OLFM2: variants seen among roughly 807,000 people sequenced by gnomAD.
OLFM2 encodes olfactomedin 2, also known as noelin-2.
In OLFM2, 20 loss-of-function variants were observed where a neutral mutation model predicts 43.9. The ratio of observed to expected loss-of-function variants is 0.46; its 90% CI spans 0.32 to 0.66. The LOEUF is 0.66. OLFM2 is among the 30% of genes least tolerant of loss of function. The pLI, the probability that OLFM2 is intolerant of heterozygous loss-of-function variation, is 0.04. For missense variants in OLFM2, 416 were observed against 643.6 expected, an observed-to-expected ratio of 0.65 and a Z score of 3.83; for synonymous variants, 268 against 278.6, an observed-to-expected ratio of 0.96 and a Z score of 0.38.
chr19:9,874,761 A>G (rs1055884926), intron 1 of OLFM2, among the ~76,000 whole-genome samples: 2 of 152,186 alleles, frequency 1.3e-5, no homozygotes, highest in Non-Finnish European at 2.9e-5. Flanking sequence ...GATTACAGGC[A>G]TGAGCCACCG....
At chr19:9,905,527 G>C (rs2046778567) in intron 1 of OLFM2, among the ~76,000 whole-genome samples, 1 of 151,542 alleles carries the variant, frequency 6.6e-6, no homozygotes, top group Non-Finnish European at 1.5e-5. Flanking sequence ...TGTAGTTCCA[G>C]TTACTCAGGA....
rs199847708 is a variant in OLFM2, at chr19:9,857,282, G to A, written c.561C>T (p.His187=). The part of the protein sequence containing the change: ...QRVMALEARL[H]ACAQKLGCGK... Reference sequence around the variant, plus strand: ...GCATACCCAGCTTCTGGGCGCAGGCGTGGAGCCGGGCCTCCAGGGCCATCA... The same window carrying A: ...GCATACCCAGCTTCTGGGCGCAGGCATGGAGCCGGGCCTCCAGGGCCATCA... Residue 187 remains histidine (H), a synonymous_variant, in exon 4 of 6, where the codon CAC becomes CAT. Transcript: ENST00000264833. The surrounding 1 kb of genome is among the most constrained non-coding windows in gnomAD (Gnocchi z 5.7). 1.7e-5 allele frequency: 28 copies of A among 1,613,978 alleles called. No homozygotes were observed. The highest frequency in any genetic ancestry group is 1.3e-4 in the East Asian group (6 of 44,882).
intron 1 of OLFM2, among the ~76,000 whole-genome samples, chr19:9,882,802 C>G (rs1026344702): frequency 2.0e-5 from 3 of 151,584 alleles, no homozygotes; most frequent in African/African-American, 4.8e-5. Context: ...CTCAGCACCT[C>G]AGGAGGCTGA....
At chr19:9,869,771 C>G (rs2145442938) in intron 1 of OLFM2, among the ~76,000 whole-genome samples, 1 of 152,288 alleles carries the variant, frequency 6.6e-6, no homozygotes, top group East Asian at 1.9e-4. Flanking sequence ...GCATGTGCCA[C>G]TATGCCCAGC....
chr19:9,887,304 G>A (rs948080785), intron 1 of OLFM2, among the ~76,000 whole-genome samples: 6 of 151,476 alleles, frequency 4.0e-5, no homozygotes, highest in Non-Finnish European at 2.9e-5. Flanking sequence ...TCAGCCTCCC[G>A]AGTAGCTGGG....
chr19:9,935,045 C>G (rs771850804), intron 1 of OLFM2, among the ~76,000 whole-genome samples: 27 of 152,128 alleles, frequency 1.8e-4, no homozygotes, highest in Non-Finnish European at 2.9e-4. Context: ...GCCGGACTGC[C>G]TCGGTTCAGT....
At position 9,934,387 on chromosome 19, in the gene OLFM2, C is replaced by T. The variant is rs2086503501; in HGVS notation, c.63+1917G>A. On this transcript the variant is annotated intron_variant, in intron 1 of 5. Transcript: ENST00000264833. ...CCTCCACTGACCTCGTTAGTCCCGCCCCCAAAGCAACTCCCTCCCAGCCCT... is the reference window on the plus strand; with the variant it reads ...CCTCCACTGACCTCGTTAGTCCCGCTCCCAAAGCAACTCCCTCCCAGCCCT... Among the ~76,000 whole-genome samples the T allele has an allele frequency of 2.0e-5, 3 of 152,156 alleles. No homozygotes were observed. The South Asian group carries it at 6.2e-4, about 32-fold the overall frequency.
intron 1 of OLFM2, among the ~76,000 whole-genome samples, chr19:9,874,776 C>T (rs2046471428): frequency 6.6e-6 from 1 of 152,138 alleles, no homozygotes; most frequent in Admixed American, 6.6e-5. Context: ...CCACCGCACC[C>T]AGTCTTTTAT....
At chr19:9,915,997 T>C (rs1431441171) in intron 1 of OLFM2, among the ~76,000 whole-genome samples, 1 of 152,104 alleles carries the variant, frequency 6.6e-6, no homozygotes, top group African/African-American at 2.4e-5. Context: ...GGAATGATGA[T>C]GTTTGTAAAA....
chr19:9,900,226 G>A (rs1192364776), intron 1 of OLFM2, among the ~76,000 whole-genome samples: 3 of 152,102 alleles, frequency 2.0e-5, no homozygotes, highest in East Asian at 1.9e-4. Context: ...ATGAAGAGAG[G>A]TGTCAGGGAA....
intron 1 of OLFM2, among the ~76,000 whole-genome samples, chr19:9,911,492 T>C (rs1019382019): frequency 2.0e-5 from 3 of 150,414 alleles, no homozygotes; most frequent in African/African-American, 4.9e-5. Flanking sequence ...CACACACACA[T>C]ACACACTTAC....
chr19:9,875,066 C>T (rs935704521), intron 1 of OLFM2, among the ~76,000 whole-genome samples: 2 of 152,200 alleles, frequency 1.3e-5, no homozygotes, highest in Admixed American at 1.3e-4. Context: ...GCTCCCTGTT[C>T]CGCAGGCATC....
chr19:9,913,309 G>C (rs369890578), intron 1 of OLFM2, among the ~76,000 whole-genome samples: 1 of 152,092 alleles, frequency 6.6e-6, no homozygotes, highest in Non-Finnish European at 1.5e-5. Context: ...CTGCCTCCAC[G>C]TCCGACCCTG....
chr19:9,865,739 G>A (rs528748378), intron 1 of OLFM2, among the ~76,000 whole-genome samples: 50 of 148,376 alleles, frequency 3.4e-4, no homozygotes, highest in African/African-American at 1.2e-3. Context: ...TGATCCACCC[G>A]CCTTGGCCTC....
In OLFM2 at chr19:9,857,100, T is replaced by G. The variant is rs1599463112; in HGVS notation, c.580+163A>C. 1.2e-6 allele frequency: 1 copy of G among 837,674 alleles called. No homozygotes were observed. Among genetic ancestry groups the G allele is most frequent in the East Asian group, 2.6e-5 (1 of 37,962 alleles). The allele number at this position is 837,674 out of a possible 1,614,324, so 51.9% of individuals were successfully genotyped here. A position where few individuals can be genotyped will look rare whatever the true frequency, so the allele number is the denominator to read the frequency against. On this transcript the variant is annotated intron_variant, in intron 4 of 5. Transcript: ENST00000264833. The surrounding 1 kb of genome is among the most constrained non-coding windows in gnomAD (Gnocchi z 5.7). ...TTAGAGGCCAAGGGTCAGGGCCATTTCCAGCTTCTGGACTCAAGTGTAGCC... is the reference window on the plus strand; with the variant it reads ...TTAGAGGCCAAGGGTCAGGGCCATTGCCAGCTTCTGGACTCAAGTGTAGCC...
rs779799984 is a variant in OLFM2, at chr19:9,915,493, CTTTTTTAT to C, written c.63+20803_63+20810del. On this transcript the variant is annotated intron_variant, in intron 1 of 5. Transcript: ENST00000264833. Reference sequence around the variant, plus strand: ...TAAACAGAGTGATTGGAGAAAGGGACTTTTTTATTTATTTATTTATTTATTTATTTATT... The same window carrying C: ...TAAACAGAGTGATTGGAGAAAGGGACTTATTTATTTATTTATTTATTTATT... Among the ~76,000 whole-genome samples, 232 of 130,972 alleles carry C rather than the reference CTTTTTTAT, an allele frequency of 1.8e-3. 1 individual carries two copies. The highest frequency in any genetic ancestry group is 0.011 in the Middle Eastern group (3 of 270). 85.9% of individuals were successfully genotyped at this position (130,972 alleles called of 152,430 possible).
chr19:9,904,182 G>GTGTGTGTGTGTGTA (rs1250022996), intron 1 of OLFM2, among the ~76,000 whole-genome samples: 25 of 150,926 alleles, frequency 1.7e-4, no homozygotes, highest in African/African-American at 6.1e-4. Context: ...GTGTGTGTGT[G>GTGTGTGTGTGTGTA]TGTGTGTGTG....
At chr19:9,916,668 T>C (rs2046878245) in intron 1 of OLFM2, among the ~76,000 whole-genome samples, 1 of 152,182 alleles carries the variant, frequency 6.6e-6, no homozygotes, top group Admixed American at 6.6e-5. Flanking sequence ...TCTCTGGCCA[T>C]GGGTGCTGTG....
At chr19:9,876,068 G>C (rs1268122717) in intron 1 of OLFM2, among the ~76,000 whole-genome samples, 8 of 152,196 alleles carry the variant, frequency 5.3e-5, no homozygotes, top group African/African-American at 2.4e-5. Context: ...ACTGCTGGGA[G>C]ACACTGGCCC....
Sources: allele counts gnomAD v4.1 joint callset (sites outside exome capture counted in the v4.1 genomes callset), GRCh38; gene constraint gnomAD v4.1.1; non-coding constraint Gnocchi (gnomAD v3.1); transcripts MANE v1.5; gene names NCBI Gene and HGNC (gene_info 2026-07-23, HGNC 2026-07-21).